The following MAMLD1 variants were observed in gnomAD, a reference collection of about 807,000 sequenced individuals.
MAMLD1 encodes mastermind like domain containing 1.
In MAMLD1, 14 loss-of-function variants were observed where a neutral mutation model predicts 45.0. The observed-to-expected ratio is 0.31, with a 90% CI of 0.21 to 0.49. The LOEUF (loss-of-function observed/expected upper bound fraction) is 0.49, where lower values mean the gene tolerates loss of function less well. Ranked by LOEUF, MAMLD1 falls within the 20% of genes least tolerant of loss-of-function variation. The pLI is 0.99. For synonymous variants in MAMLD1, 254 were observed against 247.8 expected, an observed-to-expected ratio of 1.02 and a Z score of -0.24; for missense variants, 543 against 603.6, an observed-to-expected ratio of 0.90 and a Z score of 1.05.
intron 1 of MAMLD1, among the ~76,000 whole-genome samples, chrX:150,389,377 G>A (rs373991739): frequency 7.1e-5 from 8 of 111,967 alleles, no homozygotes; most frequent in African/African-American, 2.3e-4. Context: ...TTTTCTTGGA[G>A]ACTTCCTCTT....
upstream of MAMLD1, among the ~76,000 whole-genome samples, chrX:150,362,603 C>T (rs1408055936): frequency 8.1e-5 from 9 of 111,555 alleles, no homozygotes; most frequent in Non-Finnish European, 1.7e-4. Context: ...CGCTCTCTCG[C>T]CCTGTCACTG....
chrX:150,404,455 G>T, intron 1 of MAMLD1, among the ~76,000 whole-genome samples: 1 of 111,884 alleles, frequency 8.9e-6, no homozygotes, highest in Non-Finnish European at 1.9e-5. Flanking sequence ...TGAAAACATT[G>T]CACACATTCC....
intron 1 of MAMLD1, among the ~76,000 whole-genome samples, chrX:150,378,995 G>A (rs1348458921): frequency 2.7e-5 from 3 of 111,991 alleles, no homozygotes; most frequent in Non-Finnish European, 3.8e-5. Flanking sequence ...AAAAGCATGC[G>A]CATTTCTACA....
At chrX:150,409,430 G>A (rs985665310) in intron 1 of MAMLD1, among the ~76,000 whole-genome samples, 7 of 110,944 alleles carry the variant, frequency 6.3e-5, no homozygotes, top group Admixed American at 3.8e-4. Flanking sequence ...TTGGAGGCCC[G>A]CCCATCTGAT....
At chrX:150,382,892 TTTTTTTTTA>T (rs2032707217) in intron 1 of MAMLD1, among the ~76,000 whole-genome samples, 2 of 33,005 alleles carry the variant, frequency 6.1e-5, no homozygotes, top group Non-Finnish European at 1.0e-4. Flanking sequence ...TTTATTTTTT[TTTTTTTTTA>T]TTTTTTATTT....
chrX:150,415,056 G>A (rs1450215689), intron 1 of MAMLD1, among the ~76,000 whole-genome samples: 9 of 112,048 alleles, frequency 8.0e-5, no homozygotes, highest in African/African-American at 2.6e-4. Context: ...CAACTTCAGC[G>A]CTTTTTAGAG....
At chrX:150,447,635 T>C (rs1224338993) in intron 2 of MAMLD1, among the ~76,000 whole-genome samples, 2 of 111,660 alleles carry the variant, frequency 1.8e-5, no homozygotes, top group African/African-American at 6.5e-5. Context: ...AAAAGCAGAA[T>C]GGCCTGTGAG....
intron 6 of MAMLD1, among the ~76,000 whole-genome samples, chrX:150,508,259 C>T (rs1028104738): frequency 3.6e-5 from 4 of 112,525 alleles, no homozygotes; most frequent in African/African-American, 1.3e-4. Flanking sequence ...CCCCCATGCT[C>T]CTCAGTGTCC....
At chrX:150,431,248 G>C in intron 1 of MAMLD1, among the ~76,000 whole-genome samples, 1 of 111,561 alleles carries the variant, frequency 9.0e-6, no homozygotes, top group Non-Finnish European at 1.9e-5. Context: ...CTAGTATACA[G>C]GAATGCAATT....
At chrX:150,398,361 G>A (rs1049469288) in intron 1 of MAMLD1, among the ~76,000 whole-genome samples, 3 of 99,549 alleles carry the variant, frequency 3.0e-5, no homozygotes, top group Non-Finnish European at 4.1e-5. Context: ...AAGAGGAAGA[G>A]GAAGAGGAAG....
chrX:150,498,302 G>C (rs1557408390), intron 5 of MAMLD1, among the ~76,000 whole-genome samples: 1 of 111,459 alleles, frequency 9.0e-6, no homozygotes, highest in Non-Finnish European at 1.9e-5. Flanking sequence ...AACATGCCAG[G>C]CACTGCATAC....
chrX:150,404,678 T>A (rs1356484433), intron 1 of MAMLD1, among the ~76,000 whole-genome samples: 1 of 111,575 alleles, frequency 9.0e-6, no homozygotes, highest in African/African-American at 3.3e-5. Flanking sequence ...CCCTTTGTAG[T>A]CCCTCCCTCT....
chrX:150,362,392 C>T (rs2093969378), upstream of MAMLD1, among the ~76,000 whole-genome samples: 1 of 110,458 alleles, frequency 9.1e-6, no homozygotes, highest in Non-Finnish European at 1.9e-5. Flanking sequence ...CTCTTGCAAG[C>T]TCTCTTGTTC....
At chrX:150,480,008 G>C (rs1557407084) in intron 5 of MAMLD1, among the ~76,000 whole-genome samples, 1 of 111,148 alleles carries the variant, frequency 9.0e-6, no homozygotes, top group Non-Finnish European at 1.9e-5. Flanking sequence ...GTACTCAGAG[G>C]GCTGGACTGC....
intron 1 of MAMLD1, among the ~76,000 whole-genome samples, chrX:150,390,719 T>C (rs1354577224): frequency 8.9e-6 from 1 of 112,185 alleles, no homozygotes; most frequent in African/African-American, 3.2e-5. Flanking sequence ...GTGAGAAAAA[T>C]AGTTTATTAT....
chrX:150,489,900 G>A (rs899211086), intron 5 of MAMLD1, among the ~76,000 whole-genome samples: 16 of 111,140 alleles, frequency 1.4e-4, no homozygotes, highest in Admixed American at 3.8e-4. Context: ...CAATTGGGGC[G>A]AGAAAGAGGA....
At chrX:150,505,018 C>T in intron 6 of MAMLD1, 1 of 752,389 alleles carries the variant, frequency 1.3e-6, no homozygotes, top group Non-Finnish European at 1.6e-6. Context: ...AAGTTCTTCC[C>T]AGACCGGCCA....
At position 150,470,908 on chromosome X, in the gene MAMLD1, T is replaced by G. The variant is rs782511281; in HGVS notation, c.1335T>G (p.Ser445=). The G allele has an allele frequency of 8.3e-7, 1 of 1,211,765 alleles. No homozygotes were observed. The highest frequency in any genetic ancestry group is 1.8e-5 in the South Asian group (1 of 56,997). The change falls in exon 4 of 8, where the codon TCT becomes TCG. Residue 445 remains serine (S), a synonymous_variant. Coordinates refer to ENST00000370401, the MANE Select transcript of MAMLD1 (RefSeq NM_005491.5). ...TIKTPQGHLM[S]ALPASNPGPS... ...AAACCCCTCAAGGACACCTGATGTC[T>G]GCTCTGCCTGCCAGCAACCCTGGGC...
At chrX:150,386,494 C>T in intron 1 of MAMLD1, among the ~76,000 whole-genome samples, 1 of 111,372 alleles carries the variant, frequency 9.0e-6, no homozygotes, top group Non-Finnish European at 1.9e-5. Flanking sequence ...GAGCATTGTC[C>T]AATATCAAAA....
Sources: gnomAD v4.1 joint callset for allele counts (sites outside exome capture counted in the v4.1 genomes callset) on GRCh38, gnomAD v4.1.1 for gene constraint, MANE v1.5 for transcripts, NCBI Gene and HGNC (gene_info 2026-07-23, HGNC 2026-07-21) for gene names.